The following SLCO1B3 variants were observed in gnomAD, a reference collection of about 807,000 sequenced individuals.
The protein encoded by SLCO1B3 is solute carrier organic anion transporter family member 1B3, also known as liver-specific organic anion transporter 2.
Under a neutral mutation model 71.8 loss-of-function variants are expected in SLCO1B3, and 72 were observed. That is an observed-to-expected ratio of 1.00 (90% CI 0.83 to 1.22). The LOEUF (loss-of-function observed/expected upper bound fraction) is 1.22, where lower values mean the gene tolerates loss of function less well. Among genes scored for constraint, SLCO1B3 ranks in the 50% most tolerant of loss-of-function variants. The pLI is 0.00. For missense variants in SLCO1B3, 911 were observed against 819.7 expected, an observed-to-expected ratio of 1.11 and a Z score of -1.36; for synonymous variants, 298 against 278.4, an observed-to-expected ratio of 1.07 and a Z score of -0.70.
intron 3 of SLCO1B3, among the ~76,000 whole-genome samples, chr12:20,840,666 A>T (rs990558130): frequency 3.9e-5 from 6 of 151,914 alleles, no homozygotes; most frequent in Admixed American, 6.6e-5. Context: ...GTCAATTTTT[A>T]AAAAAATGTT....
chr12:20,860,091 G>A lies in SLCO1B3; in HGVS notation c.360-926G>A, dbSNP rs191223201. ...CTGCCTCAGCCTCCCGAGTAGCTGG[G>A]ACTACAGGCGCCTGCCACCACGCCC... On this transcript the variant is annotated intron_variant, in intron 5 of 15. Coordinates refer to ENST00000381545, the MANE Select transcript of SLCO1B3 (RefSeq NM_019844.4). 4.3e-3 allele frequency among the ~76,000 whole-genome samples: 649 copies of A among 151,954 alleles called. 1 individual carries two copies. The highest frequency in any genetic ancestry group is 6.9e-3 in the Non-Finnish European group (472 of 67,942).
At chr12:20,903,090 C>G (rs143393183) in intron 15 of SLCO1B3, among the ~76,000 whole-genome samples, 1 of 99,322 alleles carries the variant, frequency 1.0e-5, no homozygotes, top group African/African-American at 3.0e-5. Context: ...AAAAAAAAAT[C>G]AATGCAAACA....
At position 20,879,547 on chromosome 12, in the gene SLCO1B3, T is replaced by C. The variant is rs1407611156; in HGVS notation, c.1247T>C (p.Met416Thr). ...GCCAAATTTTCATTTCTTACTTCGA[T>C]GATATCCTTCTTGTTTCAACTTCTA... ...GIAKFSFLTS[M>T]ISFLFQLLYF... is the part of the protein sequence containing the mutation. Residue 416 changes from methionine to threonine, a missense_variant, in exon 11 of 16, where the codon ATG becomes ACG. Transcript: ENST00000381545. 1.2e-6 allele frequency: 2 copies of C among 1,612,588 alleles called. No individual in the cohort carries two copies. Among genetic ancestry groups the C allele is most frequent in the African/African-American group, 2.7e-5 (2 of 74,904 alleles).
chr12:20,879,322 A>C (rs1007571330), intron 10 of SLCO1B3, 114 bp from the exon 11 acceptor site: 1 of 738,180 alleles, frequency 1.4e-6, no homozygotes, highest in East Asian at 3.2e-5. Flanking sequence ...CCCTTCTCTT[A>C]AAGAAATAAG....
chr12:20,907,105 GGAA>G (rs1432559460), intron 15 of SLCO1B3, among the ~76,000 whole-genome samples: 1 of 152,072 alleles, frequency 6.6e-6, no homozygotes, highest in Non-Finnish European at 1.5e-5. Context: ...TGTGAAAAAA[GGAA>G]GCATTACATG....
In SLCO1B3 at chr12:20,883,511, A is replaced by C. The variant is rs750041422; in HGVS notation, c.1591A>C (p.Thr531Pro). ...LGECPRDNTCTRKFFIYVAIQ... is the reference protein window; with the variant it reads ...LGECPRDNTCPRKFFIYVAIQ... ...TGAATGCCCAAGAGATAATACTTGT[A>C]CAAGGAAATTTTTCATCTATGTTGC... Residue 531 changes from threonine (T) to proline (P), a missense_variant, in exon 13 of 16, where the codon ACA becomes CCA. Coordinates refer to ENST00000381545, the MANE Select transcript of SLCO1B3 (RefSeq NM_019844.4). 2 of 1,605,372 alleles carry C rather than the reference A, an allele frequency of 1.2e-6. No homozygotes were observed. The highest frequency in any genetic ancestry group is 2.2e-5 in the South Asian group (2 of 89,536).
At chr12:20,848,460 C>A (rs1169459134) in intron 3 of SLCO1B3, among the ~76,000 whole-genome samples, 2 of 152,146 alleles carry the variant, frequency 1.3e-5, no homozygotes, top group African/African-American at 2.4e-5. Context: ...GCTTACTGTA[C>A]AATCCTGCAG....
At chr12:20,835,192 G>T (rs1475222625) in intron 3 of SLCO1B3, among the ~76,000 whole-genome samples, 1 of 152,112 alleles carries the variant, frequency 6.6e-6, no homozygotes, top group Non-Finnish European at 1.5e-5. Context: ...GCACACAGCA[G>T]GGGGGCCCTG....
chr12:20,911,109 G>A (rs1034609174), intron 15 of SLCO1B3, among the ~76,000 whole-genome samples: 4 of 152,008 alleles, frequency 2.6e-5, no homozygotes, highest in African/African-American at 7.2e-5. Flanking sequence ...TAATCAGGTT[G>A]ATAAAATTCT....
At chr12:20,818,629 A>G (rs1864234654) in intron 3 of SLCO1B3, among the ~76,000 whole-genome samples, 1 of 152,138 alleles carries the variant, frequency 6.6e-6, no homozygotes, top group Non-Finnish European at 1.5e-5. Context: ...GAACACTAAG[A>G]AGTTATTTCC....
At chr12:20,820,088 G>C (rs1236631325) in intron 3 of SLCO1B3, among the ~76,000 whole-genome samples, 1 of 152,094 alleles carries the variant, frequency 6.6e-6, no homozygotes, top group African/African-American at 2.4e-5. Flanking sequence ...TAGAAGCCTG[G>C]CTGTCAATAC....
At chr12:20,893,941 G>C (rs980084) in intron 13 of SLCO1B3, among the ~76,000 whole-genome samples, 110,926 of 152,040 alleles carry the variant, frequency 0.73, 42,000 homozygotes, top group South Asian at 0.91. Context: ...ATTTTAGTGG[G>C]TTAGCTAGAA....
In SLCO1B3 at chr12:20,861,132, GA is replaced by G. The variant is rs1865255358; in HGVS notation, c.480del (p.Asp161IlefsTer3). 4 of 1,578,708 alleles carry G rather than the reference GA, an allele frequency of 2.5e-6. No homozygotes were observed. The highest frequency in any genetic ancestry group is 1.4e-5 in the African/African-American group (1 of 72,932). On this transcript the variant is annotated frameshift_variant, in exon 6 of 16. Coordinates refer to ENST00000381545, the MANE Select transcript of SLCO1B3 (RefSeq NM_019844.4). LOFTEE classifies it high-confidence loss of function. Reference sequence around the variant, plus strand: ...CAATGGAACATCACCTGAGATAGTAGAAAAAGGTAAGAATTAATAGTGACAG... The same window carrying G: ...CAATGGAACATCACCTGAGATAGTAGAAAAGGTAAGAATTAATAGTGACAG... ...SFNGTSPEIV[E>X]KDCVKESGSH... is the part of the protein sequence containing the mutation.
Position 20,863,835 on chromosome 12 carries a change from C to T in SLCO1B3, c.727+981C>T, listed in dbSNP as rs550133940. On this transcript the variant is annotated intron_variant, in intron 8 of 15. Transcript: ENST00000381545. ...TCTCATCCACTATAATCTGTTTTACCACTAATAAAACACAATCAGCTTCTA... is the reference window on the plus strand; with the variant it reads ...TCTCATCCACTATAATCTGTTTTACTACTAATAAAACACAATCAGCTTCTA... Among the ~76,000 whole-genome samples the T allele has an allele frequency of 3.9e-5, 6 of 152,250 alleles. No individual in the cohort carries two copies. The East Asian group carries it at 1.2e-3, about 29-fold the overall frequency.
chr12:20,903,637 A>C (rs1244683000), intron 15 of SLCO1B3, among the ~76,000 whole-genome samples: 1 of 152,106 alleles, frequency 6.6e-6, no homozygotes, highest in African/African-American at 2.4e-5. Flanking sequence ...ACCAGACCTC[A>C]TGAGAACTCA....
intron 3 of SLCO1B3, among the ~76,000 whole-genome samples, chr12:20,834,599 G>A (rs1591751616): frequency 6.6e-6 from 1 of 151,556 alleles, no homozygotes; most frequent in African/African-American, 2.4e-5. Flanking sequence ...GAAAACATAG[G>A]TGTTTGATTC....
chr12:20,870,218 A>G (rs991059755), intron 8 of SLCO1B3, among the ~76,000 whole-genome samples: 13 of 152,092 alleles, frequency 8.5e-5, no homozygotes, highest in African/African-American at 3.1e-4. Context: ...AATTTTTTGT[A>G]CATTTTAGAA....
chr12:20,828,232 A>C (rs1864467187), intron 3 of SLCO1B3, among the ~76,000 whole-genome samples: 1 of 146,252 alleles, frequency 6.8e-6, no homozygotes, highest in African/African-American at 2.6e-5. Flanking sequence ...ACATTTCTCT[A>C]AGTGTCTAAA....
At chr12:20,819,648 G>A (rs1864256278) in intron 3 of SLCO1B3, among the ~76,000 whole-genome samples, 2 of 152,164 alleles carry the variant, frequency 1.3e-5, no homozygotes, top group Admixed American at 6.5e-5. Flanking sequence ...TTTAGGACAG[G>A]TAAAATGGGG....
Sources: allele counts gnomAD v4.1 joint callset (sites outside exome capture counted in the v4.1 genomes callset), GRCh38; gene constraint gnomAD v4.1.1; transcripts MANE v1.5; gene names NCBI Gene and HGNC (gene_info 2026-07-23, HGNC 2026-07-21).